HS2ST1: variants seen among roughly 807,000 people sequenced by gnomAD.
HS2ST1 encodes heparan sulfate 2-O-sulfotransferase 1.
HS2ST1 carries 18 observed loss-of-function variants against 42.9 expected under a neutral mutation model. The ratio of observed to expected loss-of-function variants is 0.42; its 90% CI spans 0.29 to 0.62. The LOEUF is 0.62. Among genes scored for constraint, HS2ST1 ranks in the 20% least tolerant of loss-of-function variants. HS2ST1 has a pLI of 0.21. For synonymous variants in HS2ST1, 146 were observed against 152.9 expected, an observed-to-expected ratio of 0.95 and a Z score of 0.33; for missense variants, 334 against 433.8, an observed-to-expected ratio of 0.77 and a Z score of 2.04.
In HS2ST1 at chr1:87,103,594, A is replaced by T; in HGVS notation, c.844+5A>T. 1.3e-6 allele frequency: 2 copies of T among 1,553,924 alleles called. No homozygotes were observed. Among genetic ancestry groups the T allele is most frequent in the Non-Finnish European group, 1.7e-6 (2 of 1,155,992 alleles). On this transcript the variant is annotated splice_donor_5th_base_variant and intron_variant, in intron 6 of 6. Coordinates refer to ENST00000370550, the MANE Select transcript of HS2ST1 (RefSeq NM_012262.4). ...CTACTGAACTCTATCGCACAGGTATATAAAGGAAGGGTTTCTTTTTAAAGC... is the reference window on the plus strand; with the variant it reads ...CTACTGAACTCTATCGCACAGGTATTTAAAGGAAGGGTTTCTTTTTAAAGC...
intron 1 of HS2ST1, among the ~76,000 whole-genome samples, chr1:87,038,670 C>A (rs940000808): frequency 6.6e-6 from 1 of 151,992 alleles, no homozygotes; most frequent in Admixed American, 6.6e-5. Context: ...TACATAAAGG[C>A]AAGACAAAGC....
intron 1 of HS2ST1, among the ~76,000 whole-genome samples, chr1:87,061,960 A>G (rs1651131669): frequency 6.7e-6 from 1 of 148,236 alleles, no homozygotes; most frequent in Non-Finnish European, 1.5e-5. Context: ...GTTTTTAATT[A>G]TAGCCATCCT....
intron 2 of HS2ST1, among the ~76,000 whole-genome samples, chr1:87,073,604 TAC>T (rs1651472365): frequency 1.3e-5 from 2 of 152,208 alleles, no homozygotes. Context: ...AGTTTATATA[TAC>T]ATTGCTTATA....
chr1:86,916,916 A>G (rs555269098), intron 1 of HS2ST1, among the ~76,000 whole-genome samples: 42 of 152,334 alleles, frequency 2.8e-4, no homozygotes, highest in African/African-American at 9.1e-4. Context: ...TCCTTTCCTA[A>G]CATTTCTTTC....
intron 1 of HS2ST1, among the ~76,000 whole-genome samples, chr1:86,942,606 TG>T (rs1660786848): frequency 6.6e-6 from 1 of 152,168 alleles, no homozygotes. Context: ...ATCAGCTTTT[TG>T]GGGGGTACTT....
intron 1 of HS2ST1, among the ~76,000 whole-genome samples, chr1:87,053,133 G>A (rs1370590186): frequency 2.6e-5 from 4 of 152,182 alleles, no homozygotes; most frequent in South Asian, 2.1e-4. Context: ...TTAGGTTTTC[G>A]TTAATGATAC....
At chr1:86,954,496 A>AT (rs1647622782) in intron 1 of HS2ST1, among the ~76,000 whole-genome samples, 1 of 152,250 alleles carries the variant, frequency 6.6e-6, no homozygotes, top group African/African-American at 2.4e-5. Flanking sequence ...ATATGAACAC[A>AT]TTGTAATAGG....
chr1:86,964,473 C>CA (rs1168713402), intron 1 of HS2ST1, among the ~76,000 whole-genome samples: 1 of 152,164 alleles, frequency 6.6e-6, no homozygotes, highest in Non-Finnish European at 1.5e-5. Context: ...CCGTCTCCAC[C>CA]AAAAAAATAC....
intron 1 of HS2ST1, among the ~76,000 whole-genome samples, chr1:86,984,688 C>A (rs897894448): frequency 1.3e-5 from 2 of 151,796 alleles, no homozygotes; most frequent in African/African-American, 4.8e-5. Flanking sequence ...GAGTTGGAGA[C>A]CAGCTTGGCC....
At chr1:86,942,059 C>T (rs1205567068) in intron 1 of HS2ST1, among the ~76,000 whole-genome samples, 4 of 152,156 alleles carry the variant, frequency 2.6e-5, no homozygotes, top group Non-Finnish European at 5.9e-5. Flanking sequence ...TTTGACTATT[C>T]AGAGCTAATT....
At chr1:87,019,552 A>G (rs1649857976) in intron 1 of HS2ST1, among the ~76,000 whole-genome samples, 1 of 152,172 alleles carries the variant, frequency 6.6e-6, no homozygotes, top group Non-Finnish European at 1.5e-5. Context: ...TTCTTATGTC[A>G]CATTAGCATC....
chr1:86,915,022 C>T lies in HS2ST1; in HGVS notation c.-15C>T, dbSNP rs776530612. The T allele has an allele frequency of 1.4e-5, 22 of 1,613,930 alleles. 1 individual carries two copies. In the South Asian group the frequency reaches 2.2e-4, roughly 16 times the overall value. ...CGCCCCCCGCGGTATGTCTTGATCC[C>T]GAGCAGCGGGTTTCATGGGGCTCCT... On this transcript the variant is annotated 5_prime_UTR_variant, in exon 1 of 7. Coordinates refer to ENST00000370550, the MANE Select transcript of HS2ST1 (RefSeq NM_012262.4).
chr1:86,980,875 A>G (rs1648558281), intron 1 of HS2ST1, among the ~76,000 whole-genome samples: 1 of 152,236 alleles, frequency 6.6e-6, no homozygotes, highest in South Asian at 2.1e-4. Context: ...AAAATTCACT[A>G]TAGTTCTTTC....
At chr1:86,996,804 C>G (rs1649115721) in intron 1 of HS2ST1, among the ~76,000 whole-genome samples, 1 of 152,010 alleles carries the variant, frequency 6.6e-6, no homozygotes, top group South Asian at 2.1e-4. Context: ...GAAGATATCT[C>G]CAAGGAAATC....
intron 1 of HS2ST1, among the ~76,000 whole-genome samples, chr1:87,071,474 T>C (rs914445392): frequency 6.6e-6 from 1 of 152,196 alleles, no homozygotes; most frequent in African/African-American, 2.4e-5. Context: ...CTCATGCCTG[T>C]AATCCCAGCA....
chr1:87,042,525 A>T (rs2100605758), intron 1 of HS2ST1, among the ~76,000 whole-genome samples: 1 of 152,288 alleles, frequency 6.6e-6, no homozygotes, highest in South Asian at 2.1e-4. Context: ...AATAAAAATG[A>T]AAAACCCATC....
At chr1:86,997,525 A>G (rs1307382508) in intron 1 of HS2ST1, among the ~76,000 whole-genome samples, 1 of 152,244 alleles carries the variant, frequency 6.6e-6, no homozygotes, top group African/African-American at 2.4e-5. Context: ...GTTTAAAGAA[A>G]TACAGTAATA....
chr1:86,933,030 G>A (rs148928423), intron 1 of HS2ST1, among the ~76,000 whole-genome samples: 1 of 152,154 alleles, frequency 6.6e-6, no homozygotes, highest in East Asian at 1.9e-4. Context: ...AATTGTAAAA[G>A]TAATTATAGA....
chr1:87,076,161 G>A (rs1314697532), intron 2 of HS2ST1, among the ~76,000 whole-genome samples: 2 of 152,094 alleles, frequency 1.3e-5, no homozygotes, highest in African/African-American at 4.8e-5. Flanking sequence ...ATATTCTACA[G>A]AACAACTGAC....
Sources: allele counts gnomAD v4.1 joint callset (sites outside exome capture counted in the v4.1 genomes callset), GRCh38; gene constraint gnomAD v4.1.1; transcripts MANE v1.5; gene names NCBI Gene and HGNC (gene_info 2026-07-23, HGNC 2026-07-21).